Variants in ZNF439 observed in about 807,000 individuals in gnomAD.
ZNF439 encodes zinc finger protein 439.
In ZNF439, 40 loss-of-function variants were observed where a neutral mutation model predicts 47.3. The observed-to-expected ratio is 0.85, with a 90% CI of 0.66 to 1.10. ZNF439 has a LOEUF of 1.10. Ranked by LOEUF, ZNF439 falls within the 50% of genes least tolerant of loss-of-function variation. The pLI is 0.00. For synonymous variants in ZNF439, 171 were observed against 198.8 expected, an observed-to-expected ratio of 0.86 and a Z score of 1.18; for missense variants, 556 against 601.1, an observed-to-expected ratio of 0.93 and a Z score of 0.78.
At chr19:11,854,575 T>A (rs11667128) in intron 1 of ZNF439, among the ~76,000 whole-genome samples, 2 of 151,976 alleles carry the variant, frequency 1.3e-5, no homozygotes, top group African/African-American at 4.8e-5. Flanking sequence ...CTGGCCAACA[T>A]GGTGAAACCC....
At chr19:11,866,423 A>G in intron 2 of ZNF439, 92 bp downstream of exon 2, 1 of 1,604,832 alleles carries the variant, frequency 6.2e-7, no homozygotes, top group Non-Finnish European at 8.5e-7. Flanking sequence ...CACAGACAGG[A>G]AATACTTTGA....
chr19:11,852,047 CA>C (rs1976260775), intron 1 of ZNF439, among the ~76,000 whole-genome samples: 2 of 152,146 alleles, frequency 1.3e-5, no homozygotes, highest in Admixed American at 1.3e-4. Context: ...AGAGTGAATT[CA>C]ACATTCCAAC....
Position 11,866,282 on chromosome 19 carries a change from T to A in ZNF439, c.141T>A (p.Asn47Lys), listed in dbSNP as rs747119379. The A allele has an allele frequency of 4.5e-5, 72 of 1,613,964 alleles. No homozygotes were observed. The highest frequency in any genetic ancestry group is 5.9e-5 in the Non-Finnish European group (70 of 1,180,012). ...CTTTGCTGGATATTTCCCAGAAGAA[T>A]CTCTACAGGGAAGTGATGCTGGAAA... ...EWALLDISQK[N>K]LYREVMLETF... The change falls in exon 2 of 4, where the codon AAT becomes AAA. Residue 47 changes from asparagine (N) to lysine (K), a missense_variant. By Grantham distance (94) the Asn-to-Lys change is moderately conservative. Coordinates refer to ENST00000682736, the MANE Select transcript of ZNF439 (RefSeq NM_001348719.2).
intron 1 of ZNF439, among the ~76,000 whole-genome samples, chr19:11,864,346 A>G (rs1976616594): frequency 6.6e-6 from 1 of 152,048 alleles, no homozygotes; most frequent in African/African-American, 2.4e-5. Context: ...CGCCCAGGCT[A>G]GAGTGCAATG....
Position 11,849,117 on chromosome 19 carries a change from C to A in ZNF439, c.63+187C>A. The stretch of plus-strand genomic sequence containing the variant: ...GGGACTCCGGGCGTCCTGTCCCGTC[C>A]CTGCCCGTCGACTGCGGCCTTGGCC... On this transcript the variant is annotated intron_variant, in intron 1 of 3. Transcript: ENST00000682736. The A allele has an allele frequency of 6.0e-6, 7 of 1,161,730 alleles. No individual in the cohort carries two copies. The South Asian group carries it at 1.2e-4, about 21-fold the overall frequency. The allele number at this position is 1,161,730 out of a possible 1,614,324, so 72.0% of individuals were successfully genotyped here.
chr19:11,861,419 G>T (rs1015380181), intron 1 of ZNF439, among the ~76,000 whole-genome samples: 2 of 152,132 alleles, frequency 1.3e-5, no homozygotes, highest in Non-Finnish European at 2.9e-5. Flanking sequence ...ATGTCTCCTG[G>T]AGGGTCTAGT....
chr19:11,858,483 AG>A (rs1555694223), intron 1 of ZNF439, among the ~76,000 whole-genome samples: 25,855 of 107,988 alleles, frequency 0.24, 3,076 homozygotes, highest in Non-Finnish European at 0.31. Context: ...AAAAAAAAAA[AG>A]GGGGTCTATT....
rs571909776 is a variant in ZNF439 at position 11,865,981 on chromosome 19, C to T, written c.64-224C>T. 35 of 1,349,738 alleles carry T rather than the reference C, an allele frequency of 2.6e-5. No individual in the cohort carries two copies. In the African/African-American group the frequency reaches 4.6e-4, roughly 18 times the overall value. 83.6% of individuals were successfully genotyped at this position (1,349,738 alleles called of 1,614,324 possible). On this transcript the variant is annotated intron_variant, in intron 1 of 3. Transcript: ENST00000682736. ...AGTGAGCCGAGATTGCACCATTGTA[C>T]TCCAGCCTGGGCAATAAGAGTGAAA... is the stretch of plus-strand genomic sequence containing the variant.
intron 1 of ZNF439, among the ~76,000 whole-genome samples, chr19:11,862,931 T>C (rs1976576904): frequency 1.3e-5 from 2 of 151,696 alleles, no homozygotes; most frequent in Admixed American, 1.3e-4. Context: ...GTATTATTAG[T>C]AGAGATGAGA....
intron 1 of ZNF439, chr19:11,850,794 C>G (rs990788905): frequency 1.3e-5 from 2 of 152,182 alleles, no homozygotes; most frequent in African/African-American, 4.8e-5. Flanking sequence ...CTTTGGGAGG[C>G]CCAGGCGAGA....
At chr19:11,854,912 C>T (rs423280) in intron 1 of ZNF439, among the ~76,000 whole-genome samples, 64,578 of 152,018 alleles carry the variant, frequency 0.42, 14,258 homozygotes, top group African/African-American at 0.53. Context: ...AAACCGTAAA[C>T]TGAGTGGTGA....
chr19:11,860,384 C>G (rs988612214), intron 1 of ZNF439, among the ~76,000 whole-genome samples: 3 of 152,106 alleles, frequency 2.0e-5, no homozygotes, highest in African/African-American at 7.2e-5. Context: ...GAGCACCTAC[C>G]TTATATTGCT....
intron 1 of ZNF439, among the ~76,000 whole-genome samples, chr19:11,851,618 T>C (rs1976243586): frequency 2.0e-5 from 3 of 152,086 alleles, no homozygotes. Flanking sequence ...TATAATAGGA[T>C]TACATTTTCC....
At chr19:11,863,513 A>G (rs1231016694) in intron 1 of ZNF439, among the ~76,000 whole-genome samples, 1 of 152,014 alleles carries the variant, frequency 6.6e-6, no homozygotes, top group East Asian at 1.9e-4. Flanking sequence ...GGAGTTCTTC[A>G]TATCTTTTGG....
intron 1 of ZNF439, chr19:11,856,085 C>T (rs1976378534): frequency 6.6e-6 from 1 of 152,236 alleles, no homozygotes; most frequent in Non-Finnish European, 1.5e-5. Flanking sequence ...TTCCATTGTC[C>T]TTCTTCCAGG....
rs753004937 is a variant in ZNF439, at chr19:11,867,319, G to A, written c.265G>A (p.Glu89Lys). 2 of 1,611,542 alleles carry A rather than the reference G, an allele frequency of 1.2e-6. No individual in the cohort carries two copies. The highest frequency in any genetic ancestry group is 1.7e-5 in the Admixed American group (1 of 59,234). Residue 89 changes from glutamate to lysine, a missense_variant, in exon 4 of 4, where the codon GAG (glutamate) becomes AAG (lysine). Glu to Lys is a moderately conservative substitution (Grantham distance 56). Transcript: ENST00000682736. ...CATTTTTGACAGGAGTGTCACAGAA[G>A]AGAAAGTCAATGAAATTAAAGAAGA... ...PRRNFRSVTE[E>K]KVNEIKEDSH...
At chr19:11,851,908 C>G (rs2607457) in intron 1 of ZNF439, among the ~76,000 whole-genome samples, 1 of 152,186 alleles carries the variant, frequency 6.6e-6, no homozygotes, top group Non-Finnish European at 1.5e-5. Flanking sequence ...TTGGCCTCCA[C>G]AAGTCTTGGG....
At chr19:11,867,213 G>A (rs980816313) in intron 3 of ZNF439, 93 bp from the exon 4 acceptor site, 1 of 1,401,246 alleles carries the variant, frequency 7.1e-7, no homozygotes, top group South Asian at 1.4e-5. Context: ...ACACTTTGAT[G>A]GAGAGTGTTA....
rs1419789301 is a variant in ZNF439 at position 11,867,967 on chromosome 19, T to C, written c.913T>C (p.Cys305Arg). The C allele has an allele frequency of 2.5e-6, 4 of 1,614,166 alleles. No individual in the cohort carries two copies. Among genetic ancestry groups the C allele is most frequent in the Non-Finnish European group, 1.7e-6 (2 of 1,180,040 alleles). The change falls in exon 4 of 4, where the codon TGT becomes CGT. Residue 305 changes from cysteine to arginine, a missense_variant. By Grantham distance (180) the Cys-to-Arg change is radical. Transcript: ENST00000682736. Reference protein sequence around the residue: ...RSHMGEKAYQCKECGKAFMCP... With the variant: ...RSHMGEKAYQRKECGKAFMCP... ...TCACATGGGAGAGAAGGCTTATCAA[T>C]GTAAGGAATGTGGAAAAGCATTCAT...
Sources: allele counts gnomAD v4.1 joint callset (sites outside exome capture counted in the v4.1 genomes callset), GRCh38; gene constraint gnomAD v4.1.1; transcripts MANE v1.5; gene names NCBI Gene and HGNC (gene_info 2026-07-23, HGNC 2026-07-21).